The following HESX1 variants were observed in gnomAD, a reference collection of about 807,000 sequenced individuals.
HESX1 encodes HESX homeobox 1.
HESX1 carries 11 observed loss-of-function variants against 22.5 expected under a neutral mutation model. The observed-to-expected ratio is 0.49, with a 90% CI of 0.31 to 0.81. The LOEUF (loss-of-function observed/expected upper bound fraction) is 0.81. Among genes scored for constraint, HESX1 ranks in the 30% least tolerant of loss-of-function variants. The pLI is 0.05. For synonymous variants in HESX1, 74 were observed against 76.5 expected (o/e 0.97, Z 0.17); for missense variants, 201 against 212.6 (o/e 0.95, Z 0.34).
chr3:57,208,182 AT>A (rs1298075744), intron 1 of HESX1, among the ~76,000 whole-genome samples: 2 of 152,168 alleles, frequency 1.3e-5, no homozygotes, highest in Non-Finnish European at 2.9e-5. Flanking sequence ...ATTTTGATAG[AT>A]TTGGATTACA....
At chr3:57,217,783 G>A (rs1057279895) in intron 1 of HESX1, among the ~76,000 whole-genome samples, 1 of 151,998 alleles carries the variant, frequency 6.6e-6, no homozygotes, top group Non-Finnish European at 1.5e-5. Flanking sequence ...GCTCCAAACT[G>A]CACTCTCATG....
chr3:57,206,766 C>T (rs1579355925), intron 1 of HESX1, among the ~76,000 whole-genome samples: 1 of 152,310 alleles, frequency 6.6e-6, no homozygotes, highest in East Asian at 1.9e-4. Context: ...TGGAGGAAAG[C>T]ATCCCTAATT....
chr3:57,223,386 G>GT (rs1007712933), intron 1 of HESX1, among the ~76,000 whole-genome samples: 32 of 148,486 alleles, frequency 2.2e-4, no homozygotes, highest in East Asian at 5.9e-4. Context: ...TTTCCTAGAA[G>GT]TTTTTTTTTT....
intron 1 of HESX1, among the ~76,000 whole-genome samples, chr3:57,222,453 C>G (rs1296744653): frequency 1.3e-5 from 2 of 151,990 alleles, no homozygotes; most frequent in Non-Finnish European, 2.9e-5. Flanking sequence ...GAGACACGGT[C>G]TCACTATGTT....
At chr3:57,211,236 T>C (rs986955246) in intron 1 of HESX1, among the ~76,000 whole-genome samples, 2 of 144,822 alleles carry the variant, frequency 1.4e-5, no homozygotes, top group African/African-American at 5.1e-5. Flanking sequence ...AAAAAAAAAA[T>C]CTGAGTCTAG....
At chr3:57,199,408 CAGG>C (rs750588733) in intron 1 of HESX1, among the ~76,000 whole-genome samples, 10 of 152,064 alleles carry the variant, frequency 6.6e-5, no homozygotes, top group African/African-American at 1.4e-4. Flanking sequence ...CACCTGAGGT[CAGG>C]AGTTCGAGAC....
chr3:57,227,138 G>C (rs925576550), upstream of HESX1, among the ~76,000 whole-genome samples: 1 of 152,118 alleles, frequency 6.6e-6, no homozygotes, highest in African/African-American at 2.4e-5. Flanking sequence ...GACTGACCTC[G>C]GGAGGCCAGG....
chr3:57,219,528 TGGCTAATTTTTTGTATTTTTAGTA>T (rs2060602879), intron 1 of HESX1, among the ~76,000 whole-genome samples: 1 of 151,930 alleles, frequency 6.6e-6, no homozygotes, highest in African/African-American at 2.4e-5. Flanking sequence ...CCACCACGCC[TGGCTAATTTTTTGTATTTTTAGTA>T]GAGACGGGGT....
At chr3:57,200,980 C>T (rs1442443581), upstream of HESX1, among the ~76,000 whole-genome samples, 1 of 152,176 alleles carries the variant, frequency 6.6e-6, no homozygotes, top group Non-Finnish European at 1.5e-5. Context: ...GCTGTTCCCC[C>T]CGCAAAGGTA....
intron 1 of HESX1, among the ~76,000 whole-genome samples, chr3:57,217,621 C>T (rs139468058): frequency 3.9e-5 from 6 of 152,220 alleles, no homozygotes; most frequent in African/African-American, 7.2e-5. Flanking sequence ...CCATGCTCCA[C>T]GTGAATGCTG....
Position 57,198,056 on chromosome 3 carries a change from T to A in HESX1, c.*141A>T. Reference sequence around the variant, plus strand: ...CCAAATATGTACCATGCTATAATAGTATTTACAATATATTTTCAGAAAAAA... The same window carrying A: ...CCAAATATGTACCATGCTATAATAGAATTTACAATATATTTTCAGAAAAAA... On this transcript the variant is annotated 3_prime_UTR_variant, in exon 4 of 4. Coordinates refer to ENST00000295934, the MANE Select transcript of HESX1 (RefSeq NM_003865.3). 3.0e-6 allele frequency: 2 copies of A among 676,154 alleles called. No individual in the cohort carries two copies. The highest frequency in any genetic ancestry group is 5.3e-6 in the Non-Finnish European group (2 of 377,816). The allele number at this position is 676,154 out of a possible 1,614,324, so 41.9% of individuals were successfully genotyped here.
chr3:57,220,208 T>C (rs34187365), intron 1 of HESX1, among the ~76,000 whole-genome samples: 8 of 152,204 alleles, frequency 5.3e-5, no homozygotes, highest in Non-Finnish European at 7.3e-5. Context: ...GTACCTATTT[T>C]TGTACCAATA....
chr3:57,226,360 A>T (rs1482124746), exon 1 of HESX1: 1 of 152,190 alleles, frequency 6.6e-6, no homozygotes, highest in Non-Finnish European at 1.5e-5. Flanking sequence ...TAGAAATGAG[A>T]TATCAAGGAA....
At chr3:57,227,438 CA>C (rs1017065125), upstream of HESX1, among the ~76,000 whole-genome samples, 1 of 152,250 alleles carries the variant, frequency 6.6e-6, no homozygotes, top group African/African-American at 2.4e-5. Context: ...CGGGAAAAGT[CA>C]ACCCGCCCCA....
At chr3:57,215,681 C>T (rs188145821) in intron 1 of HESX1, among the ~76,000 whole-genome samples, 6 of 152,172 alleles carry the variant, frequency 3.9e-5, no homozygotes, top group East Asian at 1.9e-4. Flanking sequence ...GCAGGAGAAT[C>T]GCTTGAACCC....
upstream of HESX1, among the ~76,000 whole-genome samples, chr3:57,201,336 T>G (rs746652885): frequency 7.9e-4 from 121 of 152,228 alleles, no homozygotes; most frequent in Non-Finnish European, 1.0e-3. Context: ...TTATACCTCA[T>G]GGAGATTTTG....
upstream of HESX1, among the ~76,000 whole-genome samples, chr3:57,227,234 T>C (rs1172881647): frequency 6.6e-6 from 1 of 152,208 alleles, no homozygotes; most frequent in East Asian, 1.9e-4. Context: ...ATTTCGAGCC[T>C]ACGTTCACAA....
intron 1 of HESX1, among the ~76,000 whole-genome samples, chr3:57,215,439 A>G (rs2060577606): frequency 1.3e-5 from 2 of 152,160 alleles, no homozygotes; most frequent in South Asian, 4.1e-4. Context: ...TCTTTTCTAT[A>G]GCCAAGACAC....
chr3:57,222,253 T>C (rs2060619747), intron 1 of HESX1, among the ~76,000 whole-genome samples: 1 of 152,104 alleles, frequency 6.6e-6, no homozygotes. Context: ...GCACAGGACA[T>C]ATTAATTTCC....
Sources: allele counts gnomAD v4.1 joint callset (sites outside exome capture counted in the v4.1 genomes callset), GRCh38; gene constraint gnomAD v4.1.1; transcripts MANE v1.5; gene names NCBI Gene and HGNC (gene_info 2026-07-23, HGNC 2026-07-21).